The following RPL31 variants were observed in gnomAD, a reference collection of about 807,000 sequenced individuals.
RPL31 encodes large ribosomal subunit protein eL31.
For missense variants in RPL31, 95 were observed against 164.0 expected (o/e 0.58, Z 2.30); for synonymous variants, 51 against 55.0 (o/e 0.93, Z 0.32).
At chr2:101,017,870 G>A (rs755540042) in intron 4 of RPL31, 8 of 1,550,824 alleles carry the variant, frequency 5.2e-6, no homozygotes, top group Non-Finnish European at 7.0e-6. Flanking sequence ...TCTTCAAAAC[G>A]ATGATCTCTT....
downstream of RPL31, chr2:101,011,044 C>T: frequency 1.2e-6 from 2 of 1,601,328 alleles, no homozygotes; most frequent in Non-Finnish European, 1.7e-6. Flanking sequence ...CAAAGGAAAA[C>T]AATATGTGGT....
In RPL31 at chr2:101,006,540, G is replaced by A; in HGVS notation, c.*159G>A. ...CTGTGCTGCCTTCTCCCCATCCCCT[G>A]GGGTTTTAAAGTGATTTCAAACTGC... On this transcript the variant is annotated 3_prime_UTR_variant, in exon 5 of 5. Coordinates refer to ENST00000264258, the MANE Select transcript of RPL31 (RefSeq NM_000993.5). The A allele has an allele frequency of 1.5e-6, 1 of 676,748 alleles. No homozygotes were observed. Among genetic ancestry groups the A allele is most frequent in the Non-Finnish European group, 2.3e-6 (1 of 428,956 alleles). 41.9% of individuals were successfully genotyped at this position (676,748 alleles called of 1,614,324 possible). A position where few individuals can be genotyped will look rare whatever the true frequency, so the allele number is the denominator to read the frequency against.
At chr2:101,005,721 G>A in intron 3 of RPL31, 1 of 536,894 alleles carries the variant, frequency 1.9e-6, no homozygotes, top group Non-Finnish European at 3.3e-6. Flanking sequence ...TTAACCGGTT[G>A]GGTATCAATG....
At chr2:101,006,157 G>C in intron 4 of RPL31, 86 bp downstream of exon 4, 13 of 1,551,166 alleles carry the variant, frequency 8.4e-6, no homozygotes, top group Middle Eastern at 1.7e-4. Flanking sequence ...GTTAAGCTAG[G>C]GGTGACACAC....
chr2:101,018,567 A>G (rs1479094339), intron 4 of RPL31, among the ~76,000 whole-genome samples: 1 of 152,218 alleles, frequency 6.6e-6, no homozygotes, highest in African/African-American at 2.4e-5. Context: ...TTATTAATCA[A>G]CATTTTAAGG....
chr2:101,012,381 T>C (rs1441524126), intron 4 of RPL31, among the ~76,000 whole-genome samples: 1 of 152,226 alleles, frequency 6.6e-6, no homozygotes, highest in Admixed American at 6.5e-5. Flanking sequence ...AATGAAGCAC[T>C]GACGCATGCT....
At chr2:101,008,950 C>T (rs1190173782), downstream of RPL31, among the ~76,000 whole-genome samples, 1 of 152,180 alleles carries the variant, frequency 6.6e-6, no homozygotes, top group Non-Finnish European at 1.5e-5. Flanking sequence ...GAAGGCCATG[C>T]AGGACCTAAA....
At chr2:101,006,171 A>C (rs1301078290) in intron 4 of RPL31, 100 bp downstream of exon 4, 2 of 1,524,352 alleles carry the variant, frequency 1.3e-6, no homozygotes. Context: ...GACACACGTC[A>C]TTGTACCCTT....
downstream of RPL31, chr2:101,011,622 A>G: frequency 1.4e-6 from 2 of 1,457,972 alleles, no homozygotes; most frequent in East Asian, 2.3e-5. Flanking sequence ...CTAGGCAACT[A>G]AAGGCTAAGC....
chr2:101,018,149 C>T (rs1427497654), intron 4 of RPL31: 2 of 510,148 alleles, frequency 3.9e-6, no homozygotes, highest in Admixed American at 6.8e-5. Flanking sequence ...TTCCCTCATT[C>T]ATACAGATAT....
At chr2:101,004,538 G>T in intron 3 of RPL31, 1 of 461,220 alleles carries the variant, frequency 2.2e-6, no homozygotes, top group South Asian at 5.1e-5. Flanking sequence ...GAGGAAGCTT[G>T]GCAGGATCTG....
downstream of RPL31, chr2:101,007,682 CCA>C: frequency 2.3e-6 from 2 of 862,116 alleles, no homozygotes; most frequent in African/African-American, 1.7e-5. Flanking sequence ...GTTCCCCTGG[CCA>C]CAGTTTGTCA....
intron 2 of RPL31, 146 bp from the exon 3 acceptor site, chr2:101,004,012 T>C (rs2105348518): frequency 3.7e-6 from 3 of 815,460 alleles, no homozygotes; most frequent in East Asian, 5.4e-5. Flanking sequence ...ACTGGCCTAC[T>C]GTATGCTGTA....
downstream of RPL31, among the ~76,000 whole-genome samples, chr2:101,010,364 A>G (rs1182144640): frequency 1.3e-5 from 2 of 152,194 alleles, no homozygotes; most frequent in East Asian, 3.9e-4. Flanking sequence ...TCTACCTCCC[A>G]GAGGAATAAA....
intron 4 of RPL31, chr2:101,017,771 A>G: frequency 6.9e-7 from 1 of 1,442,652 alleles, no homozygotes; most frequent in Non-Finnish European, 9.5e-7. Flanking sequence ...ATAAGATGTT[A>G]CCAAAATCTT....
chr2:101,008,811 T>TA (rs34291098), downstream of RPL31, among the ~76,000 whole-genome samples: 32,146 of 145,658 alleles, frequency 0.22, 3,463 homozygotes, highest in Middle Eastern at 0.34. Flanking sequence ...AACTTTGTCT[T>TA]AAAAAAAAAA....
downstream of RPL31, among the ~76,000 whole-genome samples, chr2:101,012,251 C>G (rs1013351331): frequency 9.9e-5 from 15 of 152,172 alleles, no homozygotes; most frequent in African/African-American, 3.6e-4. Context: ...CAAACTTGTA[C>G]ACAGATTGTT....
intron 1 of RPL31, 84 bp downstream of exon 1, chr2:101,002,399 C>T (rs1453114376): frequency 4.9e-6 from 2 of 405,214 alleles, no homozygotes; most frequent in Non-Finnish European, 9.1e-6. Flanking sequence ...CGCAAAATCT[C>T]TCCCGAGCCA....
At chr2:101,010,896 A>G, downstream of RPL31, 1 of 1,563,004 alleles carries the variant, frequency 6.4e-7, no homozygotes, top group Non-Finnish European at 8.7e-7. Context: ...AAAAAAAAAA[A>G]AGTTAATTCT....
Sources: allele counts gnomAD v4.1 joint callset (sites outside exome capture counted in the v4.1 genomes callset), GRCh38; gene constraint gnomAD v4.1.1; transcripts MANE v1.5; gene names NCBI Gene and HGNC (gene_info 2026-07-23, HGNC 2026-07-21).